The following PARVA variants were observed in gnomAD, a reference collection of about 807,000 sequenced individuals.
PARVA encodes the protein alpha-parvin.
PARVA carries 25 observed loss-of-function variants against 52.6 expected under a neutral mutation model. The observed-to-expected ratio is 0.48, with a 90% CI of 0.35 to 0.66. PARVA has a LOEUF of 0.66. Among genes scored for constraint, PARVA ranks in the 30% least tolerant of loss-of-function variants. The probability of loss-of-function intolerance (pLI) is 0.01; values close to 1 mark genes in which losing one functional copy is unlikely to be tolerated. For synonymous variants in PARVA, 185 were observed against 179.1 expected, an observed-to-expected ratio of 1.03 and a Z score of -0.26; for missense variants, 373 against 450.9, an observed-to-expected ratio of 0.83 and a Z score of 1.56.
chr11:12,421,256 C>A (rs1042810649), intron 1 of PARVA, among the ~76,000 whole-genome samples: 5 of 152,020 alleles, frequency 3.3e-5, no homozygotes, highest in Non-Finnish European at 5.9e-5. Flanking sequence ...CTGCCCAAAA[C>A]TGAAGTGTTT....
At chr11:12,415,035 G>C (rs1940045251) in intron 1 of PARVA, among the ~76,000 whole-genome samples, 1 of 152,330 alleles carries the variant, frequency 6.6e-6, no homozygotes, top group East Asian at 1.9e-4. Flanking sequence ...CTGGGCACTG[G>C]TGGGCTGGCT....
At chr11:12,454,565 A>G (rs546976949) in intron 1 of PARVA, among the ~76,000 whole-genome samples, 1 of 145,886 alleles carries the variant, frequency 6.9e-6, no homozygotes, top group South Asian at 2.2e-4. Context: ...ATCCAGTTCT[A>G]AAGTATCATT....
chr11:12,487,376 G>A (rs981888400), intron 4 of PARVA, among the ~76,000 whole-genome samples: 14 of 152,068 alleles, frequency 9.2e-5, no homozygotes, highest in Non-Finnish European at 7.4e-5. Flanking sequence ...CTGTTACTCC[G>A]ATCACTCTCC....
At chr11:12,380,040 C>T (rs1939463055) in intron 1 of PARVA, among the ~76,000 whole-genome samples, 1 of 152,122 alleles carries the variant, frequency 6.6e-6, no homozygotes, top group African/African-American at 2.4e-5. Flanking sequence ...TCTGGGGTGG[C>T]CTTTTATTAC....
At chr11:12,512,334 G>A (rs1287706178) in intron 8 of PARVA, among the ~76,000 whole-genome samples, 2 of 152,066 alleles carry the variant, frequency 1.3e-5, no homozygotes, top group South Asian at 4.1e-4. Context: ...CATTTATCAC[G>A]ACTGGGTTTG....
chr11:12,467,372 TCTC>T (rs1940866552), intron 1 of PARVA, among the ~76,000 whole-genome samples: 1 of 152,222 alleles, frequency 6.6e-6, no homozygotes, highest in African/African-American at 2.4e-5. Flanking sequence ...TTTATTTTCT[TCTC>T]TTGTGTTATT....
At position 12,527,978 on chromosome 11, in the gene PARVA, G is replaced by C; in HGVS notation, c.*53G>C. 4 of 1,310,774 alleles carry C rather than the reference G, an allele frequency of 3.1e-6. No individual in the cohort carries two copies. Among genetic ancestry groups the C allele is most frequent in the South Asian group, 2.4e-5 (2 of 85,050 alleles). The allele number at this position is 1,310,774 out of a possible 1,614,324, so 81.2% of individuals were successfully genotyped here. A position where few individuals can be genotyped will look rare whatever the true frequency, so the allele number is the denominator to read the frequency against. ...AAGAGTTCTTGCTGTTGGCGTACTG[G>C]ACCCTCCTCCGAACTGCCTTACCCT... On this transcript the variant is annotated 3_prime_UTR_variant, in exon 13 of 13. Transcript: ENST00000334956.
intron 1 of PARVA, among the ~76,000 whole-genome samples, chr11:12,426,070 G>A (rs1385978081): frequency 6.6e-6 from 1 of 151,792 alleles, no homozygotes; most frequent in Non-Finnish European, 1.5e-5. Context: ...AAGCAAACAT[G>A]GTTCATGGTG....
At chr11:12,524,218 TA>T (rs1440035865) in intron 12 of PARVA, among the ~76,000 whole-genome samples, 2 of 152,176 alleles carry the variant, frequency 1.3e-5, no homozygotes, top group African/African-American at 4.8e-5. Flanking sequence ...GAAAGAAAAC[TA>T]CCATTTAGGG....
chr11:12,395,388 G>A (rs1428908121), intron 1 of PARVA, among the ~76,000 whole-genome samples: 3 of 152,202 alleles, frequency 2.0e-5, no homozygotes, highest in African/African-American at 2.4e-5. Flanking sequence ...GGAGCCATTG[G>A]TCAGCTTTTG....
intron 1 of PARVA, among the ~76,000 whole-genome samples, chr11:12,471,756 G>A (rs960087783): frequency 2.0e-5 from 3 of 152,230 alleles, no homozygotes; most frequent in African/African-American, 7.2e-5. Flanking sequence ...TGCAGCTACG[G>A]AGCGGAATTT....
At chr11:12,527,152 C>A (rs533439100) in intron 12 of PARVA, among the ~76,000 whole-genome samples, 1 of 152,326 alleles carries the variant, frequency 6.6e-6, no homozygotes, top group East Asian at 1.9e-4. Context: ...ATACACTAAA[C>A]TTTCCACATG....
chr11:12,483,315 G>A lies in PARVA; in HGVS notation c.400+5366G>A, dbSNP rs115133453. Among the ~76,000 whole-genome samples the A allele has an allele frequency of 9.2e-3, 1,399 of 152,318 alleles. 20 individuals carry two copies. The highest frequency in any genetic ancestry group is 0.03 in the African/African-American group (1,243 of 41,580). ...CAGACGCCAAGACAAGGATGTGGGTGGAGGAAGCTTATATAGAAGGTGACC... is the reference window on the plus strand; with the variant it reads ...CAGACGCCAAGACAAGGATGTGGGTAGAGGAAGCTTATATAGAAGGTGACC... On this transcript the variant is annotated intron_variant, in intron 4 of 12. Coordinates refer to ENST00000334956, the MANE Select transcript of PARVA (RefSeq NM_018222.5).
chr11:12,528,202 T>A lies in PARVA; in HGVS notation c.*277T>A, dbSNP rs1941727760. The A allele has an allele frequency of 4.0e-6, 2 of 499,814 alleles. No individual in the cohort carries two copies. The highest frequency in any genetic ancestry group is 6.4e-5 in the East Asian group (2 of 31,380). 31.0% of individuals were successfully genotyped at this position (499,814 alleles called of 1,614,324 possible). The stretch of plus-strand genomic sequence containing the variant: ...GCCAGGTCCAGATTTCCCTCCATGA[T>A]TTGGGAACCAGCTTAGGCAAAAGAG... On this transcript the variant is annotated 3_prime_UTR_variant, in exon 13 of 13. Transcript: ENST00000334956.
At chr11:12,410,797 A>G (rs80161900) in intron 1 of PARVA, among the ~76,000 whole-genome samples, 4,634 of 152,318 alleles carry the variant, frequency 0.03, 234 homozygotes, top group African/African-American at 0.1. Flanking sequence ...AAAGAAATAA[A>G]TGAAAGTTAT....
chr11:12,525,639 CAGA>C (rs1250909414), intron 12 of PARVA, among the ~76,000 whole-genome samples: 1 of 152,136 alleles, frequency 6.6e-6, no homozygotes, highest in Admixed American at 6.5e-5. Flanking sequence ...TTCCATCTGG[CAGA>C]AGGTGATTCA....
chr11:12,379,002 A>AT (rs1387148664), intron 1 of PARVA, among the ~76,000 whole-genome samples: 2 of 152,262 alleles, frequency 1.3e-5, no homozygotes, highest in East Asian at 3.9e-4. Context: ...CTGGTTGCCC[A>AT]TTTTTATGGT....
intron 1 of PARVA, among the ~76,000 whole-genome samples, chr11:12,426,295 G>A (rs1940234243): frequency 6.6e-6 from 1 of 152,186 alleles, no homozygotes; most frequent in African/African-American, 2.4e-5. Flanking sequence ...GAAGAAGCCT[G>A]TCTGAGGGAA....
chr11:12,485,575 C>CA (rs1414818047), intron 4 of PARVA, among the ~76,000 whole-genome samples: 1 of 152,140 alleles, frequency 6.6e-6, no homozygotes, highest in Non-Finnish European at 1.5e-5. Flanking sequence ...TTAATAATAG[C>CA]AGTATTGGAT....
Sources: allele counts gnomAD v4.1 joint callset (sites outside exome capture counted in the v4.1 genomes callset), GRCh38; gene constraint gnomAD v4.1.1; transcripts MANE v1.5; gene names NCBI Gene and HGNC (gene_info 2026-07-23, HGNC 2026-07-21).